Variants in USP8 observed in about 807,000 individuals in gnomAD.
USP8 encodes ubiquitin carboxyl-terminal hydrolase 8.
USP8 carries 27 observed loss-of-function variants against 130.0 expected under a neutral mutation model. That is an observed-to-expected ratio of 0.21 (90% confidence interval 0.15 to 0.29). USP8 has a LOEUF of 0.29. USP8 is among the 10% of genes least tolerant of loss of function. The pLI is 1.00. For synonymous variants in USP8, 392 were observed against 444.1 expected (o/e 0.88, Z 1.48); for missense variants, 1,029 against 1,312.2 (o/e 0.78, Z 3.33).
At position 50,501,638 on chromosome 15, in the gene USP8, G is replaced by A. The variant is rs924155160; in HGVS notation, c.*2550G>A. 3.9e-5 allele frequency: 6 copies of A among 151,900 alleles called. No homozygotes were observed. Among genetic ancestry groups the A allele is most frequent in the Non-Finnish European group, 7.4e-5 (5 of 67,984 alleles). 9.4% of individuals were successfully genotyped at this position (151,900 alleles called of 1,614,324 possible). On this transcript the variant is annotated 3_prime_UTR_variant, in exon 20 of 20. Transcript: ENST00000307179. ...CAACAACCCCTCAATCCCCCATAGG[G>A]TACAAAAAATAATGTATCTCATTTT...
At chr15:50,444,233 A>G (rs1313757957) in intron 3 of USP8, among the ~76,000 whole-genome samples, 4 of 150,276 alleles carry the variant, frequency 2.7e-5, no homozygotes, top group African/African-American at 9.8e-5. Flanking sequence ...CCTCCCGAGT[A>G]GCTGGGATTA....
chr15:50,438,482 G>C (rs1429092433), intron 1 of USP8, among the ~76,000 whole-genome samples: 1 of 152,192 alleles, frequency 6.6e-6, no homozygotes, highest in Non-Finnish European at 1.5e-5. Context: ...GCTACTTGGA[G>C]GCTTAGGTAG....
At chr15:50,452,976 CTTCTGT>C (rs2050672682) in intron 4 of USP8, among the ~76,000 whole-genome samples, 1 of 152,190 alleles carries the variant, frequency 6.6e-6, no homozygotes, top group African/African-American at 2.4e-5. Context: ...AAATCTTTCA[CTTCTGT>C]TTCTAACAGT....
intron 3 of USP8, among the ~76,000 whole-genome samples, chr15:50,444,890 T>C (rs1359556458): frequency 1.3e-5 from 2 of 152,126 alleles, no homozygotes; most frequent in African/African-American, 4.8e-5. Flanking sequence ...CCAGAGTAGC[T>C]GGGAGTACAG....
chr15:50,467,769 C>T (rs573824632), intron 7 of USP8, among the ~76,000 whole-genome samples: 11 of 151,872 alleles, frequency 7.2e-5, no homozygotes, highest in Non-Finnish European at 2.9e-5. Flanking sequence ...ATTGCCCAGA[C>T]AGCTCTCAAA....
In USP8 at chr15:50,500,648, C is replaced by T; in HGVS notation, c.*1560C>T. The T allele has an allele frequency of 1.1e-6, 1 of 931,512 alleles. No homozygotes were observed. Among genetic ancestry groups the T allele is most frequent in the Non-Finnish European group, 1.7e-6 (1 of 605,238 alleles). The allele number at this position is 931,512 out of a possible 1,614,324, so 57.7% of individuals were successfully genotyped here. On this transcript the variant is annotated 3_prime_UTR_variant, in exon 20 of 20. Transcript: ENST00000307179. The stretch of plus-strand genomic sequence containing the variant: ...GCAGTGTTCAGGAAACACCATTTTC[C>T]TGGCTCTTAACGCTTTTGTATTGGT...
At chr15:50,442,512 G>C (rs935725714) in intron 3 of USP8, among the ~76,000 whole-genome samples, 1 of 152,174 alleles carries the variant, frequency 6.6e-6, no homozygotes, top group African/African-American at 2.4e-5. Flanking sequence ...AGGAGGCCAA[G>C]GTGGGTGGAT....
intron 19 of USP8, 49 bp from the exon 20 acceptor site, chr15:50,498,854 A>G: frequency 2.6e-6 from 4 of 1,558,574 alleles, no homozygotes; most frequent in Non-Finnish European, 3.5e-6. Context: ...CGTATTTTAA[A>G]TAACAATTTT....
rs771351703 is a variant in USP8, at chr15:50,513,137, T to C, written c.*14049T>C. 6.6e-6 allele frequency: 1 copy of C among 152,214 alleles called. No homozygotes were observed. The highest frequency in any genetic ancestry group is 1.5e-5 in the Non-Finnish European group (1 of 68,040). 9.4% of individuals were successfully genotyped at this position (152,214 alleles called of 1,614,324 possible). The stretch of plus-strand genomic sequence containing the variant: ...AAGTCTGATGATCCTGGTAGGGGTA[T>C]GTATTGGTATAATCACTTGTAGAAA... On this transcript the variant is annotated 3_prime_UTR_variant, in exon 20 of 20. Transcript: ENST00000307179.
intron 10 of USP8, among the ~76,000 whole-genome samples, chr15:50,480,052 C>T (rs1407529413): frequency 2.6e-5 from 4 of 152,086 alleles, no homozygotes; most frequent in African/African-American, 9.7e-5. Flanking sequence ...TGAGTCACTG[C>T]GCCTGGCAAC....
At chr15:50,425,909 G>A (rs1162214644) in intron 1 of USP8, among the ~76,000 whole-genome samples, 1 of 152,104 alleles carries the variant, frequency 6.6e-6, no homozygotes, top group Admixed American at 6.6e-5. Flanking sequence ...GATCACTGAG[G>A]TCAGGAGTTC....
chr15:50,483,794 C>CAA (rs879692059), intron 11 of USP8, among the ~76,000 whole-genome samples: 2 of 108,096 alleles, frequency 1.9e-5, no homozygotes, highest in African/African-American at 3.5e-5. Flanking sequence ...ACTCGGTCTC[C>CAA]AAAAAAAAAA....
In USP8 at chr15:50,439,121, A is replaced by G. The variant is rs768935653; in HGVS notation, c.48A>G (p.Ser16=). 2 of 1,597,624 alleles carry G rather than the reference A, an allele frequency of 1.3e-6. No homozygotes were observed. The part of the protein sequence containing the change: ...SVPKELYLSS[S]LKDLNKKTEV... ...CTAAAGAACTCTACCTCAGTTCTTC[A>G]CTAAAAGACCTTAATAAGAAGACAG... The change falls in exon 2 of 20, where the codon TCA becomes TCG. Residue 16 remains serine (S), a synonymous_variant. Transcript: ENST00000307179.
At chr15:50,452,128 T>C (rs1209774989) in intron 4 of USP8, among the ~76,000 whole-genome samples, 1 of 152,208 alleles carries the variant, frequency 6.6e-6, no homozygotes, top group Non-Finnish European at 1.5e-5. Context: ...GAAAATAGAT[T>C]TCAGTATCAC....
intron 1 of USP8, among the ~76,000 whole-genome samples, chr15:50,427,249 T>C (rs2049766382): frequency 6.6e-6 from 1 of 152,170 alleles, no homozygotes; most frequent in Non-Finnish European, 1.5e-5. Context: ...TTCCAATTTC[T>C]TTAACCGTAA....
intron 1 of USP8, chr15:50,432,500 G>C (rs565462135): frequency 6.6e-6 from 1 of 152,162 alleles, no homozygotes; most frequent in Non-Finnish European, 1.5e-5. Context: ...CTTTAAAAAG[G>C]TCAGTGTGCT....
intron 2 of USP8, among the ~76,000 whole-genome samples, chr15:50,439,790 CAAT>C (rs57780466): frequency 0.059 from 7,877 of 133,400 alleles, 264 homozygotes; most frequent in Middle Eastern, 0.07. Context: ...AACTCTGTCT[CAAT>C]AATAATAATA....
chr15:50,513,799 A>G lies in USP8; in HGVS notation c.*14711A>G, dbSNP rs1030610821. The stretch of plus-strand genomic sequence containing the variant: ...TTAACAAGGATTTAAGGCAACTGAA[A>G]CTTCCAGTCATTGCTGGTGGGGGTA... On this transcript the variant is annotated 3_prime_UTR_variant, in exon 20 of 20. Transcript: ENST00000307179. 1.3e-5 allele frequency: 2 copies of G among 152,240 alleles called. No individual in the cohort carries two copies. The highest frequency in any genetic ancestry group is 2.9e-5 in the Non-Finnish European group (2 of 68,046). The allele number at this position is 152,240 out of a possible 1,614,324, so 9.4% of individuals were successfully genotyped here. A position where few individuals can be genotyped will look rare whatever the true frequency, so the allele number is the denominator to read the frequency against.
chr15:50,457,472 C>T (rs1466000808), intron 4 of USP8, among the ~76,000 whole-genome samples: 11 of 150,924 alleles, frequency 7.3e-5, no homozygotes, highest in African/African-American at 1.2e-4. Context: ...GCAGGAGAAT[C>T]GCTTGAACCC....
Sources: allele counts gnomAD v4.1 joint callset (sites outside exome capture counted in the v4.1 genomes callset), GRCh38; gene constraint gnomAD v4.1.1; transcripts MANE v1.5; gene names NCBI Gene and HGNC (gene_info 2026-07-23, HGNC 2026-07-21).